The following ATP9B variants were observed in gnomAD, a reference collection of about 807,000 sequenced individuals.
The protein encoded by ATP9B is probable phospholipid-transporting ATPase IIB.
In ATP9B, 110 loss-of-function variants were observed where a neutral mutation model predicts 146.1. The observed-to-expected ratio is 0.75, with a 90% CI of 0.65 to 0.88. The LOEUF (loss-of-function observed/expected upper bound fraction) is 0.88, where lower values mean the gene tolerates loss of function less well. ATP9B is among the 40% of genes least tolerant of loss of function. The probability of loss-of-function intolerance (pLI) is 0.00; values close to 1 mark genes in which losing one functional copy is unlikely to be tolerated. For missense variants in ATP9B, 1,499 were observed against 1,496.4 expected, an observed-to-expected ratio of 1.00 and a Z score of -0.03; for synonymous variants, 604 against 569.7, an observed-to-expected ratio of 1.06 and a Z score of -0.86.
intron 15 of ATP9B, among the ~76,000 whole-genome samples, chr18:79,328,384 T>A (rs2096772812): frequency 6.6e-6 from 1 of 152,250 alleles, no homozygotes; most frequent in Non-Finnish European, 1.5e-5. Context: ...CTTCCACTTG[T>A]GATTGTTAAA....
Position 79,247,870 on chromosome 18 carries a change from T to C in ATP9B, c.1108-5511T>C, listed in dbSNP as rs180962739. Among the ~76,000 whole-genome samples the C allele has an allele frequency of 3.2e-4, 48 of 152,330 alleles. 1 individual carries two copies. The highest frequency in any genetic ancestry group is 2.9e-3 in the Admixed American group (45 of 15,302). ...TTCTGAGTATAGAATAGGCAAAATG[T>C]TAAATTTCTTGGTAGGCAAACATGT... On this transcript the variant is annotated intron_variant, in intron 11 of 29. Coordinates refer to ENST00000426216, the MANE Select transcript of ATP9B (RefSeq NM_198531.5).
chr18:79,163,017 G>A (rs1446169354), intron 7 of ATP9B, among the ~76,000 whole-genome samples: 2 of 152,200 alleles, frequency 1.3e-5, no homozygotes, highest in Non-Finnish European at 2.9e-5. Flanking sequence ...TTCATAAGCA[G>A]TCTGTAATAG....
At chr18:79,257,709 C>T (rs1220681026) in intron 12 of ATP9B, among the ~76,000 whole-genome samples, 1 of 152,254 alleles carries the variant, frequency 6.6e-6, no homozygotes, top group Non-Finnish European at 1.5e-5. Flanking sequence ...TCCCCAGCCT[C>T]CAGCACAGGG....
intron 11 of ATP9B, among the ~76,000 whole-genome samples, chr18:79,245,320 G>C (rs1330137646): frequency 1.3e-5 from 2 of 152,160 alleles, no homozygotes; most frequent in Non-Finnish European, 2.9e-5. Context: ...TGCATGTTGA[G>C]GTTTCTGGTG....
intron 4 of ATP9B, among the ~76,000 whole-genome samples, chr18:79,124,908 C>T (rs1221986376): frequency 6.6e-6 from 1 of 152,048 alleles, no homozygotes; most frequent in Non-Finnish European, 1.5e-5. Context: ...CATCAGTGGG[C>T]TGAGGCCAGC....
intron 4 of ATP9B, among the ~76,000 whole-genome samples, chr18:79,116,806 A>T (rs2094083642): frequency 1.0e-5 from 1 of 98,734 alleles, no homozygotes. Context: ...TAGCATTGGG[A>T]GATATACCTA....
intron 12 of ATP9B, among the ~76,000 whole-genome samples, chr18:79,274,700 T>C (rs1425656476): frequency 2.0e-5 from 3 of 152,230 alleles, no homozygotes; most frequent in African/African-American, 7.2e-5. Context: ...CTTTCGCTAG[T>C]AAGCTGTAAA....
At chr18:79,174,960 G>C (rs1338906791) in intron 7 of ATP9B, among the ~76,000 whole-genome samples, 1 of 152,012 alleles carries the variant, frequency 6.6e-6, no homozygotes, top group Non-Finnish European at 1.5e-5. Context: ...CAGCACTTTG[G>C]GAGGCTGAGG....
intron 25 of ATP9B, chr18:79,353,770 T>C (rs1231457273): frequency 1.3e-5 from 2 of 152,220 alleles, no homozygotes; most frequent in African/African-American, 4.8e-5. Context: ...CTGAAAGTTA[T>C]ACCTCAAGAA....
chr18:79,272,248 C>A (rs1394615691), intron 12 of ATP9B, among the ~76,000 whole-genome samples: 4 of 152,204 alleles, frequency 2.6e-5, no homozygotes, highest in Non-Finnish European at 4.4e-5. Context: ...TTTGTCCTTA[C>A]ATCTTGTGCA....
chr18:79,185,431 G>A (rs2148047745), intron 8 of ATP9B, among the ~76,000 whole-genome samples: 1 of 152,220 alleles, frequency 6.6e-6, no homozygotes, highest in African/African-American at 2.4e-5. Flanking sequence ...TTCGTACAAT[G>A]CAACTTTAAC....
Position 79,374,066 on chromosome 18 carries a change from A to T in ATP9B, c.3239A>T (p.Tyr1080Phe), listed in dbSNP as rs770297611. 1.5e-5 allele frequency: 24 copies of T among 1,614,152 alleles called. No individual in the cohort carries two copies. Among genetic ancestry groups the T allele is most frequent in the Non-Finnish European group, 2.0e-5 (24 of 1,180,030 alleles). ...GCCGAGTTCCTCAGCTTAGGCTGCT[A>T]CGTGTCCTCACTCGCTTTTCTCAAT... The part of the protein sequence containing the change: ...VVAEFLSLGC[Y>F]VSSLAFLNEY... The change falls in exon 28 of 30, where the codon TAC (tyrosine) becomes TTC (phenylalanine). Residue 1080 changes from tyrosine (Y) to phenylalanine (F), a missense_variant. Transcript: ENST00000426216.
intron 14 of ATP9B, 34 bp downstream of exon 14, chr18:79,303,750 C>A: frequency 6.6e-7 from 1 of 1,505,006 alleles, no homozygotes; most frequent in South Asian, 1.1e-5. Flanking sequence ...GGTCTGCTTC[C>A]ACACACATCC....
intron 15 of ATP9B, chr18:79,307,438 C>CAAA: frequency 1.4e-6 from 1 of 693,740 alleles, no homozygotes; most frequent in South Asian, 2.0e-5. Flanking sequence ...TGCAAATGTG[C>CAAA]GGCCGCCACA....
chr18:79,191,671 CTT>C (rs1316152716), intron 8 of ATP9B, among the ~76,000 whole-genome samples: 4 of 152,150 alleles, frequency 2.6e-5, no homozygotes, highest in African/African-American at 9.7e-5. Flanking sequence ...CTTAAATACA[CTT>C]TCTCTTTCTT....
chr18:79,137,252 C>T (rs1425380417), intron 5 of ATP9B, among the ~76,000 whole-genome samples: 1 of 152,098 alleles, frequency 6.6e-6, no homozygotes, highest in Non-Finnish European at 1.5e-5. Context: ...ACATTTGTGT[C>T]AGTTGTGGGT....
Position 79,124,705 on chromosome 18 carries a change from C to T in ATP9B, c.559-1562C>T, listed in dbSNP as rs574978454. Among the ~76,000 whole-genome samples the T allele has an allele frequency of 6.6e-5, 10 of 152,196 alleles. No individual in the cohort carries two copies. The South Asian group carries it at 1.5e-3, about 22-fold the overall frequency. Reference sequence around the variant, plus strand: ...GGACAAGGCTAGAGATCTGTCTATTCGTAAGGTTAGGGGTTTGGGGAGAGC... The same window carrying T: ...GGACAAGGCTAGAGATCTGTCTATTTGTAAGGTTAGGGGTTTGGGGAGAGC... On this transcript the variant is annotated intron_variant, in intron 4 of 29. Transcript: ENST00000426216.
At chr18:79,072,793 A>C (rs367555650) in intron 1 of ATP9B, among the ~76,000 whole-genome samples, 6 of 152,000 alleles carry the variant, frequency 3.9e-5, no homozygotes, top group African/African-American at 1.4e-4. Flanking sequence ...CTCACCTCCC[A>C]GATGGGGTGG....
rs188308814 is a variant in ATP9B, at chr18:79,106,984, T to C, written c.294-3371T>C. Among the ~76,000 whole-genome samples, 639 of 152,362 alleles carry C rather than the reference T, an allele frequency of 4.2e-3. 4 individuals are homozygous for C. Among genetic ancestry groups the C allele is most frequent in the South Asian group, 7.2e-3 (35 of 4,828 alleles). On this transcript the variant is annotated intron_variant, in intron 2 of 29. Transcript: ENST00000426216. ...GCTTATATTTTCTAAATTTTATATG[T>C]ATCTTTTCAAATACTTAGATCTTAA...
Sources: gnomAD v4.1 joint callset for allele counts (sites outside exome capture counted in the v4.1 genomes callset) on GRCh38, gnomAD v4.1.1 for gene constraint, MANE v1.5 for transcripts, NCBI Gene and HGNC (gene_info 2026-07-23, HGNC 2026-07-21) for gene names.